Variants in LRIT1 observed in about 807,000 individuals in gnomAD.
LRIT1 encodes the protein leucine rich repeat, Ig-like and transmembrane domains 1.
In LRIT1, 23 loss-of-function variants were observed where a neutral mutation model predicts 24.0. That is an observed-to-expected ratio of 0.96 (90% CI 0.69 to 1.36). The LOEUF (loss-of-function observed/expected upper bound fraction) is 1.36. Ranked by LOEUF, LRIT1 falls within the 40% of genes most tolerant of loss-of-function variation. LRIT1 has a pLI of 0.00. For missense variants in LRIT1, 846 were observed against 806.3 expected (o/e 1.05, Z -0.60); for synonymous variants, 361 against 340.5 (o/e 1.06, Z -0.66).
rs533350585 is a variant in LRIT1, at chr10:84,241,513, A to G, written c.-74T>C. On this transcript the variant is annotated 5_prime_UTR_variant, in exon 1 of 4. Transcript: ENST00000372105. ...TCCGTCCCACCGGCCCAGCAAGCTCAGCAGCTGCCCACTTGCTCGCCAGCC... is the reference window on the plus strand; with the variant it reads ...TCCGTCCCACCGGCCCAGCAAGCTCGGCAGCTGCCCACTTGCTCGCCAGCC... 1,425 of 1,419,954 alleles carry G rather than the reference A, an allele frequency of 1.0e-3. 14 individuals are homozygous for G. The African/African-American group carries it at 0.019, about 19-fold the overall frequency. The allele number at this position is 1,419,954 out of a possible 1,614,324, so 88.0% of individuals were successfully genotyped here.
At chr10:84,241,186 G>A in intron 1 of LRIT1, 132 bp downstream of exon 1, 1 of 1,344,022 alleles carries the variant, frequency 7.4e-7, no homozygotes, top group Non-Finnish European at 1.0e-6. Flanking sequence ...CCACCCCATA[G>A]GATCCCTGGT....
rs371492952 is a variant in LRIT1, at chr10:84,234,346, G to A, written c.622C>T (p.Arg208Ter). The A allele has an allele frequency of 8.0e-5, 126 of 1,581,258 alleles. No homozygotes were observed. The highest frequency in any genetic ancestry group is 1.7e-4 in the Middle Eastern group (1 of 5,902). Residue 208 changes from arginine (R) to a stop codon, truncating the protein, a stop_gained, in exon 3 of 4, where the codon CGA becomes TGA. Coordinates refer to ENST00000372105, the MANE Select transcript of LRIT1 (RefSeq NM_015613.3). LOFTEE classifies it high-confidence loss of function. ...AAAAGATGAACCAGGTCATAGAGTC[G>A]GCAGTCACATGCCCAGGGGTTGTCC... The part of the protein sequence containing the change: ...LQDNPWACDC[R>*]LYDLVHLLDG...
In LRIT1 at chr10:84,237,232, T is replaced by G. The variant is rs1354384747; in HGVS notation, c.577A>C (p.Arg193=). ...TGIFPPGHHP[R]RVLGLQDNPW... is the part of the protein sequence containing the mutation. ...TGCCGACCCTTACCTAGGACCCGCC[T>G]GGGGTGGTGGCCGGGAGGAAAGATA... is the stretch of plus-strand genomic sequence containing the variant. The change falls in exon 2 of 4, where the codon AGG becomes CGG. Residue 193 remains arginine, a synonymous_variant. Transcript: ENST00000372105. The G allele has an allele frequency of 6.5e-7, 1 of 1,550,224 alleles. No individual in the cohort carries two copies. Among genetic ancestry groups the G allele is most frequent in the African/African-American group, 1.4e-5 (1 of 73,118 alleles).
At chr10:84,236,228 A>G (rs1026359089) in intron 2 of LRIT1, among the ~76,000 whole-genome samples, 10 of 151,838 alleles carry the variant, frequency 6.6e-5, no homozygotes, top group Admixed American at 1.3e-4. Context: ...CCCGGGAGGC[A>G]GAGCTTGCAG....
At position 84,232,937 on chromosome 10, in the gene LRIT1, A is replaced by G. The variant is rs772214122; in HGVS notation, c.896-34T>C. 7 of 1,587,888 alleles carry G rather than the reference A, an allele frequency of 4.4e-6. No individual in the cohort carries two copies. In the South Asian group the frequency reaches 7.9e-5, roughly 18 times the overall value. Reference sequence around the variant, plus strand: ...AAAACAGGCATGTGTGGGAGAACGAATGGGCCCATCTGCCCCAAGCTGCCT... The same window carrying G: ...AAAACAGGCATGTGTGGGAGAACGAGTGGGCCCATCTGCCCCAAGCTGCCT... On this transcript the variant is annotated intron_variant, in intron 3 of 3. Coordinates refer to ENST00000372105, the MANE Select transcript of LRIT1 (RefSeq NM_015613.3).
Position 84,232,729 on chromosome 10 carries a change from C to T in LRIT1, c.1070G>A (p.Ser357Asn). ...TGTCCTTGCCCATAGTGCTCCTGGG[C>T]TCCCACTGTGTTCTGTGGAAGTCGG... ...EPPTSTEHSG[S>N]PGALWARTGG... is the part of the protein sequence containing the mutation. Residue 357 changes from serine to asparagine, a missense_variant, in exon 4 of 4, where the codon AGC becomes AAC. Transcript: ENST00000372105. 6.2e-7 allele frequency: 1 copy of T among 1,614,030 alleles called. No homozygotes were observed. The highest frequency in any genetic ancestry group is 8.5e-7 in the Non-Finnish European group (1 of 1,179,996).
chr10:84,233,985 C>A, intron 3 of LRIT1, 88 bp downstream of exon 3: 1 of 1,288,726 alleles, frequency 7.8e-7, no homozygotes, highest in Non-Finnish European at 1.0e-6. Flanking sequence ...AGACAACTTC[C>A]CTCTGGCCCT....
rs1307200330 is a variant in LRIT1, at chr10:84,232,366, G to A, written c.1433C>T (p.Pro478Leu). ...AGTGATGGTCACTCTGGTCTTCCCA[G>A]GCTGCACAATCACCCGCCGCATGCT... The part of the protein sequence containing the change: ...QHSMRRVIVQ[P>L]GKTRVTITGL... The change falls in exon 4 of 4, where the codon CCT (proline) becomes CTT (leucine). Residue 478 changes from proline (P) to leucine (L), a missense_variant. Pro to Leu is a moderately conservative substitution (Grantham distance 98). Transcript: ENST00000372105. 6.2e-7 allele frequency: 1 copy of A among 1,613,948 alleles called. No individual in the cohort carries two copies. The highest frequency in any genetic ancestry group is 8.5e-7 in the Non-Finnish European group (1 of 1,179,926).
At chr10:84,235,642 C>G (rs935975135) in intron 2 of LRIT1, among the ~76,000 whole-genome samples, 1 of 152,204 alleles carries the variant, frequency 6.6e-6, no homozygotes, top group Admixed American at 6.5e-5. Flanking sequence ...TATGGAGTCT[C>G]ACTCATTGCC....
chr10:84,240,838 G>A (rs1457843512), intron 1 of LRIT1, among the ~76,000 whole-genome samples: 4 of 152,108 alleles, frequency 2.6e-5, no homozygotes, highest in Admixed American at 1.3e-4. Flanking sequence ...AGAGGCAAGT[G>A]GTCCCATCAT....
Position 84,232,798 on chromosome 10 carries a change from A to C in LRIT1, c.1001T>G (p.Leu334Arg). The C allele has an allele frequency of 6.2e-7, 1 of 1,613,802 alleles. No homozygotes were observed. The highest frequency in any genetic ancestry group is 8.5e-7 in the Non-Finnish European group (1 of 1,180,028). ...GDYICQAKNF[L>R]GASETVISLI... ...GGAGATAACAGTTTCAGAGGCTCCC[A>C]GGAAGTTCTTGGCTTGGCAGATGTA... Residue 334 changes from leucine (L) to arginine (R), a missense_variant, in exon 4 of 4, where the codon CTG becomes CGG. Coordinates refer to ENST00000372105, the MANE Select transcript of LRIT1 (RefSeq NM_015613.3).
rs764367886 is a variant in LRIT1 at position 84,237,500 on chromosome 10, C to G, written c.309G>C (p.Leu103=). 3 of 1,599,578 alleles carry G rather than the reference C, an allele frequency of 1.9e-6. No homozygotes were observed. Among genetic ancestry groups the G allele is most frequent in the Non-Finnish European group, 2.5e-6 (3 of 1,177,002 alleles). The change falls in exon 2 of 4, where the codon CTG becomes CTC. Residue 103 remains leucine, a synonymous_variant. Transcript: ENST00000372105. ...GCTCCCGCAGGCGTCGCAGGCCCCGCAGCATGAGGGCGTTGAGCTCGCTGA... is the reference window on the plus strand; with the variant it reads ...GCTCCCGCAGGCGTCGCAGGCCCCGGAGCATGAGGGCGTTGAGCTCGCTGA... ...NALSELNALM[L]RGLRRLRELR...
intron 1 of LRIT1, among the ~76,000 whole-genome samples, chr10:84,238,961 T>C (rs1280924936): frequency 6.6e-6 from 1 of 152,184 alleles, no homozygotes; most frequent in Non-Finnish European, 1.5e-5. Context: ...AACAGGCCCT[T>C]CTAAGGGAGG....
chr10:84,237,366 GCGGGCAC>G lies in LRIT1; in HGVS notation c.436_442del (p.Val146LeufsTer20). 1 of 1,549,892 alleles carries G rather than the reference GCGGGCAC, an allele frequency of 6.5e-7. No homozygotes were observed. Among genetic ancestry groups the G allele is most frequent in the South Asian group, 1.2e-5 (1 of 84,060 alleles). On this transcript the variant is annotated frameshift_variant, in exon 2 of 4. Coordinates refer to ENST00000372105, the MANE Select transcript of LRIT1 (RefSeq NM_015613.3). LOFTEE classifies it high-confidence loss of function. ...GTTCTCCAGGAAGCGCGCGGCCTCA[GCGGGCAC>G]AGCCGAGAGGCGGTTGGCCTGCAGG...
chr10:84,234,440 A>G (rs1842632225), intron 2 of LRIT1, 62 bp from the exon 3 acceptor site: 1 of 1,345,540 alleles, frequency 7.4e-7, no homozygotes, highest in Admixed American at 2.5e-5. Flanking sequence ...CAGGCCCAGC[A>G]CCCCTTCCCC....
chr10:84,237,191 G>T, intron 2 of LRIT1, 29 bp downstream of exon 2: 1 of 1,484,604 alleles, frequency 6.7e-7, no homozygotes, highest in South Asian at 1.2e-5. Flanking sequence ...ACTTGCCTAA[G>T]ACCCCAGGTG....
chr10:84,239,948 G>A (rs1842679732), intron 1 of LRIT1, among the ~76,000 whole-genome samples: 1 of 152,252 alleles, frequency 6.6e-6, no homozygotes, highest in Admixed American at 6.5e-5. Flanking sequence ...CCATGGGATA[G>A]TCAGGCGGGT....
rs747832594 is a variant in LRIT1, at chr10:84,231,856, C to G, written c.*71G>C. 1 of 1,515,314 alleles carries G rather than the reference C, an allele frequency of 6.6e-7. No individual in the cohort carries two copies. Among genetic ancestry groups the G allele is most frequent in the African/African-American group, 1.4e-5 (1 of 72,900 alleles). The allele number at this position is 1,515,314 out of a possible 1,614,324, so 93.9% of individuals were successfully genotyped here. ...ACCCGAGCAGGTAAGAGTGGGTGAT[C>G]GTGTACTCAGGTGTCAGAGCTAAAG... On this transcript the variant is annotated 3_prime_UTR_variant, in exon 4 of 4. Coordinates refer to ENST00000372105, the MANE Select transcript of LRIT1 (RefSeq NM_015613.3).
At position 84,241,488 on chromosome 10, in the gene LRIT1, T is replaced by A; in HGVS notation, c.-49A>T. The A allele has an allele frequency of 7.5e-7, 1 of 1,339,712 alleles. No individual in the cohort carries two copies. Among genetic ancestry groups the A allele is most frequent in the South Asian group, 1.5e-5 (1 of 66,708 alleles). 83.0% of individuals were successfully genotyped at this position (1,339,712 alleles called of 1,614,324 possible). A position where few individuals can be genotyped will look rare whatever the true frequency, so the allele number is the denominator to read the frequency against. Reference sequence around the variant, plus strand: ...AGGCAGGGGCCTGTCCCTGGACCGCTCCGTCCCACCGGCCCAGCAAGCTCA... The same window carrying A: ...AGGCAGGGGCCTGTCCCTGGACCGCACCGTCCCACCGGCCCAGCAAGCTCA... On this transcript the variant is annotated 5_prime_UTR_variant, in exon 1 of 4. Transcript: ENST00000372105.
Sources: gnomAD v4.1 joint callset for allele counts (sites outside exome capture counted in the v4.1 genomes callset) on GRCh38, gnomAD v4.1.1 for gene constraint, MANE v1.5 for transcripts, NCBI Gene and HGNC (gene_info 2026-07-23, HGNC 2026-07-21) for gene names.